MYLK3: variants seen among roughly 807,000 people sequenced by gnomAD.
MYLK3 encodes myosin light chain kinase 3, also known as MLC kinase.
Under a neutral mutation model 76.3 loss-of-function variants are expected in MYLK3, and 55 were observed. The ratio of observed to expected loss-of-function variants is 0.72; its 90% confidence interval spans 0.58 to 0.90. The LOEUF (loss-of-function observed/expected upper bound fraction) is 0.90, where lower values mean the gene tolerates loss of function less well. Ranked by LOEUF, MYLK3 falls within the 40% of genes least tolerant of loss-of-function variation. The pLI is 0.00. For synonymous variants in MYLK3, 416 were observed against 425.4 expected (o/e 0.98, Z 0.27); for missense variants, 973 against 1,053.6 (o/e 0.92, Z 1.06).
chr16:46,762,300 T>G (rs1047868331), intron 1 of MYLK3, among the ~76,000 whole-genome samples: 1 of 152,196 alleles, frequency 6.6e-6, no homozygotes, highest in Non-Finnish European at 1.5e-5. Flanking sequence ...ACAGATAATC[T>G]CTATTTTCTA....
intron 1 of MYLK3, among the ~76,000 whole-genome samples, chr16:46,753,693 T>C (rs993258348): frequency 9.2e-5 from 14 of 152,082 alleles, no homozygotes; most frequent in Admixed American, 7.9e-4. Context: ...GGGGGCTCGA[T>C]TGAGCACAAG....
At chr16:46,714,760 C>T (rs192997810) in intron 9 of MYLK3, among the ~76,000 whole-genome samples, 2 of 152,300 alleles carry the variant, frequency 1.3e-5, no homozygotes, top group Admixed American at 1.3e-4. Context: ...AGAGCTTGTC[C>T]TCTCCTTCAC....
At chr16:46,734,124 A>G (rs1204746355) in intron 3 of MYLK3, among the ~76,000 whole-genome samples, 1 of 152,234 alleles carries the variant, frequency 6.6e-6, no homozygotes, top group Non-Finnish European at 1.5e-5. Flanking sequence ...CTGTAGCAGC[A>G]TTACTCACAA....
chr16:46,729,569 G>T, intron 6 of MYLK3, 25 bp downstream of exon 6: 2 of 1,603,748 alleles, frequency 1.2e-6, no homozygotes, highest in Non-Finnish European at 1.7e-6. Flanking sequence ...TGGCCACAGG[G>T]ACCTGGCCCA....
intron 8 of MYLK3, among the ~76,000 whole-genome samples, chr16:46,724,653 C>T (rs953371048): frequency 2.6e-5 from 4 of 152,224 alleles, no homozygotes; most frequent in Non-Finnish European, 4.4e-5. Context: ...TAATTTGATG[C>T]ACATATCTAA....
upstream of MYLK3, among the ~76,000 whole-genome samples, chr16:46,752,968 C>G (rs1020024905): frequency 2.0e-5 from 3 of 152,182 alleles, no homozygotes; most frequent in African/African-American, 7.2e-5. Flanking sequence ...CCTCCAGAGA[C>G]TTCACGGTAA....
At chr16:46,737,307 T>A (rs935000162) in intron 3 of MYLK3, among the ~76,000 whole-genome samples, 1 of 152,178 alleles carries the variant, frequency 6.6e-6, no homozygotes, top group South Asian at 2.1e-4. Flanking sequence ...CCCGGTGAAA[T>A]GCCCAGCCAA....
intron 1 of MYLK3, among the ~76,000 whole-genome samples, chr16:46,761,613 T>A (rs1443714602): frequency 6.6e-6 from 1 of 152,054 alleles, no homozygotes; most frequent in Non-Finnish European, 1.5e-5. Context: ...GGTCAGGAGT[T>A]CGAGACCAGC....
Position 46,723,650 on chromosome 16 carries a change from C to CTTT in MYLK3, c.1915-2460_1915-2458dup, listed in dbSNP as rs34270947. On this transcript the variant is annotated intron_variant, in intron 8 of 12. Transcript: ENST00000394809. ...CAATTTTCCCATATCCTAGCTGATG[C>CTTT]TTTTTTTTTTTTTTTTTGAGATGGG... Among the ~76,000 whole-genome samples the CTTT allele has an allele frequency of 7.4e-4, 96 of 130,452 alleles. 2 individuals are homozygous for CTTT. Among genetic ancestry groups the CTTT allele is most frequent in the South Asian group, 5.6e-3 (23 of 4,096 alleles). 85.6% of individuals were successfully genotyped at this position (130,452 alleles called of 152,430 possible). A position where few individuals can be genotyped will look rare whatever the true frequency, so the allele number is the denominator to read the frequency against.
upstream of MYLK3, among the ~76,000 whole-genome samples, chr16:46,749,065 ACCC>A (rs924326665): frequency 6.6e-6 from 1 of 152,212 alleles, no homozygotes; most frequent in African/African-American, 2.4e-5. Flanking sequence ...ACTAGCAGGG[ACCC>A]AGAGCACAAC....
chr16:46,748,305 C>G lies in MYLK3; in HGVS notation c.-112G>C, dbSNP rs1967067024. The G allele has an allele frequency of 1.4e-6, 2 of 1,447,750 alleles. No homozygotes were observed. Among genetic ancestry groups the G allele is most frequent in the Non-Finnish European group, 1.8e-6 (2 of 1,104,062 alleles). 89.7% of individuals were successfully genotyped at this position (1,447,750 alleles called of 1,614,324 possible). A position where few individuals can be genotyped will look rare whatever the true frequency, so the allele number is the denominator to read the frequency against. ...GTCATTGTCCTCCGTAGCTGACAGA[C>G]TCCTGGCAGCACCAACCTCCACGAT... On this transcript the variant is annotated 5_prime_UTR_variant, in exon 1 of 13. Transcript: ENST00000394809. The surrounding 1 kb of genome is among the most constrained non-coding windows in gnomAD (Gnocchi z 4.3).
intron 1 of MYLK3, among the ~76,000 whole-genome samples, chr16:46,744,252 T>C (rs1181668911): frequency 6.8e-6 from 1 of 148,024 alleles, no homozygotes; most frequent in East Asian, 2.1e-4. Context: ...CAGACTAGTC[T>C]CGAACTCCTG....
At chr16:46,740,949 AG>A (rs1966921737) in intron 1 of MYLK3, among the ~76,000 whole-genome samples, 1 of 152,182 alleles carries the variant, frequency 6.6e-6, no homozygotes, top group South Asian at 2.1e-4. Flanking sequence ...ATCCATGCTT[AG>A]GGGGAAACAG....
intron 12 of MYLK3, among the ~76,000 whole-genome samples, chr16:46,708,787 T>A (rs1966653112): frequency 6.6e-6 from 1 of 152,230 alleles, no homozygotes; most frequent in South Asian, 2.1e-4. Flanking sequence ...GCTTTTAAGA[T>A]AGGTTTTATG....
chr16:46,744,789 C>G (rs1360333314), intron 1 of MYLK3, among the ~76,000 whole-genome samples: 1 of 152,036 alleles, frequency 6.6e-6, no homozygotes, highest in Non-Finnish European at 1.5e-5. Context: ...TGCTTGAGCC[C>G]AGGAGTTCAA....
At chr16:46,723,371 T>C (rs1966818156) in intron 8 of MYLK3, among the ~76,000 whole-genome samples, 1 of 152,248 alleles carries the variant, frequency 6.6e-6, no homozygotes, top group African/African-American at 2.4e-5. Context: ...AGACCATATT[T>C]TGTTTATCCG....
chr16:46,745,177 C>A (rs1221827687), intron 1 of MYLK3, among the ~76,000 whole-genome samples: 1 of 152,204 alleles, frequency 6.6e-6, no homozygotes, highest in Non-Finnish European at 1.5e-5. Context: ...CTTGGTATTT[C>A]CACTGCCAGG....
chr16:46,746,407 A>G (rs889773845), intron 1 of MYLK3, among the ~76,000 whole-genome samples: 2 of 152,104 alleles, frequency 1.3e-5, no homozygotes, highest in Non-Finnish European at 2.9e-5. Context: ...AGGGCTGACT[A>G]TAATTAAATT....
intron 1 of MYLK3, among the ~76,000 whole-genome samples, chr16:46,756,196 C>A (rs999936352): frequency 6.6e-6 from 1 of 152,154 alleles, no homozygotes; most frequent in Admixed American, 6.5e-5. Context: ...AAGTGTGAGC[C>A]ACCTCGCCCA....
Sources: allele counts gnomAD v4.1 joint callset (sites outside exome capture counted in the v4.1 genomes callset), GRCh38; gene constraint gnomAD v4.1.1; non-coding constraint Gnocchi (gnomAD v3.1); transcripts MANE v1.5; gene names NCBI Gene and HGNC (gene_info 2026-07-23, HGNC 2026-07-21).